The following TLCD4 variants were observed in gnomAD, a reference collection of about 807,000 sequenced individuals.
The protein encoded by TLCD4 is TLC domain containing 4, also known as TLC domain-containing protein 4.
Under a neutral mutation model 24.2 loss-of-function variants are expected in TLCD4, and 7 were observed. That is an observed-to-expected ratio of 0.29 (90% CI 0.16 to 0.54). TLCD4 has a LOEUF of 0.54. Among genes scored for constraint, TLCD4 ranks in the 20% least tolerant of loss-of-function variants. The pLI is 0.95. For synonymous variants in TLCD4, 103 were observed against 106.4 expected (o/e 0.97, Z 0.20); for missense variants, 259 against 313.9 (o/e 0.82, Z 1.32).
chr1:95,136,411 A>G (rs2100924512), intron 1 of TLCD4, among the ~76,000 whole-genome samples: 1 of 152,294 alleles, frequency 6.6e-6, no homozygotes, highest in African/African-American at 2.4e-5. Flanking sequence ...TGGATTCATT[A>G]TTTCAGCTAA....
chr1:95,152,859 A>T (rs750220308), intron 5 of TLCD4, among the ~76,000 whole-genome samples: 3 of 152,028 alleles, frequency 2.0e-5, no homozygotes, highest in African/African-American at 2.4e-5. Flanking sequence ...TTTAATCCTC[A>T]ATTTTTAAGG....
intron 6 of TLCD4, 99 bp from the exon 7 acceptor site, chr1:95,191,451 T>A: frequency 7.0e-7 from 1 of 1,431,960 alleles, no homozygotes; most frequent in Admixed American, 2.5e-5. Flanking sequence ...GGCCCTTTGC[T>A]CCTCCTTCAC....
chr1:95,182,830 C>A (rs1376623320), intron 6 of TLCD4, among the ~76,000 whole-genome samples: 1 of 148,212 alleles, frequency 6.7e-6, no homozygotes, highest in African/African-American at 2.5e-5. Flanking sequence ...TGTTTTAGGA[C>A]TTTTTTTTTT....
chr1:95,170,857 C>T (rs1486210009), intron 5 of TLCD4, among the ~76,000 whole-genome samples: 1 of 152,028 alleles, frequency 6.6e-6, no homozygotes, highest in African/African-American at 2.4e-5. Context: ...TTAACTTCTT[C>T]TTAAATATTC....
chr1:95,094,302 A>AT, the TLCD4 span, among the ~76,000 whole-genome samples: 1,867 of 145,012 alleles, frequency 0.013, 32 homozygotes, highest in African/African-American at 0.042. Flanking sequence ...GGCTAATTGC[A>AT]TTTTTTTTTT....
Position 95,194,144 on chromosome 1 carries a change from G to A in TLCD4, c.*2276G>A, listed in dbSNP as rs935716662. On this transcript the variant is annotated 3_prime_UTR_variant, in exon 7 of 7. Coordinates refer to ENST00000370203, the MANE Select transcript of TLCD4 (RefSeq NM_152487.3). ...ATTAATGTTACCCTTCACTGGTATA[G>A]CCACTCACTAAATAAGTATATTTAA... The A allele has an allele frequency of 2.2e-4, 34 of 152,054 alleles. No homozygotes were observed. Among genetic ancestry groups the A allele is most frequent in the African/African-American group, 7.2e-4 (30 of 41,424 alleles). The allele number at this position is 152,054 out of a possible 1,614,324, so 9.4% of individuals were successfully genotyped here.
intron 6 of TLCD4, among the ~76,000 whole-genome samples, chr1:95,175,576 G>C (rs555317473): frequency 1.3e-5 from 2 of 152,126 alleles, no homozygotes; most frequent in Non-Finnish European, 2.9e-5. Flanking sequence ...TGGATCATAT[G>C]ATGGTCCTTT....
At chr1:95,163,416 T>A (rs1677898162) in intron 5 of TLCD4, 1 of 126,942 alleles carries the variant, frequency 7.9e-6, no homozygotes, top group South Asian at 2.9e-4. Flanking sequence ...TTTTTGCATG[T>A]TTTTAGCTTT....
intron 1 of TLCD4, among the ~76,000 whole-genome samples, chr1:95,141,532 A>T (rs71654413): frequency 0.066 from 10,080 of 152,080 alleles, 404 homozygotes; most frequent in Non-Finnish European, 0.089. Context: ...TTTTGTGTCC[A>T]TCTGGCCTCC....
intron 1 of TLCD4, among the ~76,000 whole-genome samples, chr1:95,141,021 G>A (rs887303590): frequency 2.0e-5 from 3 of 152,202 alleles, no homozygotes; most frequent in African/African-American, 4.8e-5. Flanking sequence ...AAAGCTGAGA[G>A]TAGAACAATT....
chr1:95,167,713 C>T (rs530844753), intron 5 of TLCD4, among the ~76,000 whole-genome samples: 12 of 152,242 alleles, frequency 7.9e-5, no homozygotes, highest in South Asian at 4.1e-4. Flanking sequence ...CTCCCAGGAT[C>T]GATTGTATCT....
chr1:95,126,721 A>G (rs1676745617), intron 1 of TLCD4, among the ~76,000 whole-genome samples: 1 of 152,134 alleles, frequency 6.6e-6, no homozygotes, highest in Non-Finnish European at 1.5e-5. Flanking sequence ...CAGTTTTCTC[A>G]TTGTGGCCTC....
At chr1:95,179,893 C>G (rs1362453862) in intron 6 of TLCD4, among the ~76,000 whole-genome samples, 1 of 152,236 alleles carries the variant, frequency 6.6e-6, no homozygotes, top group South Asian at 2.1e-4. Context: ...ATTTCCATCA[C>G]TAAAACCCAT....
At chr1:95,137,536 G>A (rs10047238) in intron 1 of TLCD4, among the ~76,000 whole-genome samples, 2,661 of 152,132 alleles carry the variant, frequency 0.017, 86 homozygotes, top group African/African-American at 0.061. Flanking sequence ...AATCACAAAT[G>A]GGGGAAATGA....
chr1:95,138,388 C>T (rs919166132), intron 1 of TLCD4: 1 of 152,140 alleles, frequency 6.6e-6, no homozygotes, highest in African/African-American at 2.4e-5. Context: ...TGGGAGTCCT[C>T]CTGCTGGAAG....
chr1:95,146,370 ATAC>A (rs777393729), intron 2 of TLCD4, among the ~76,000 whole-genome samples: 6 of 152,168 alleles, frequency 3.9e-5, no homozygotes, highest in Admixed American at 2.6e-4. Context: ...TTGTGTTGAA[ATAC>A]TACTAATTTT....
the TLCD4 span, among the ~76,000 whole-genome samples, chr1:95,105,105 T>A: frequency 5.3e-5 from 8 of 152,164 alleles, no homozygotes; most frequent in African/African-American, 1.9e-4. Flanking sequence ...TAAAATAGGC[T>A]TTGTGTTAGA....
intron 1 of TLCD4, among the ~76,000 whole-genome samples, chr1:95,132,456 CAAAAAAAAA>C (rs34887671): frequency 2.8e-5 from 2 of 72,480 alleles, no homozygotes; most frequent in African/African-American, 4.9e-5. Context: ...GACTCCAACT[CAAAAAAAAA>C]AAAAAAAAAA....
At chr1:95,165,119 AG>A (rs1277126446) in intron 5 of TLCD4, 2 of 152,268 alleles carry the variant, frequency 1.3e-5, no homozygotes, top group African/African-American at 4.8e-5. Flanking sequence ...CTTGGGCTGA[AG>A]TCACTGTTTC....
Sources: gnomAD v4.1 joint callset for allele counts (sites outside exome capture counted in the v4.1 genomes callset) on GRCh38, gnomAD v4.1.1 for gene constraint, MANE v1.5 for transcripts, NCBI Gene and HGNC (gene_info 2026-07-23, HGNC 2026-07-21) for gene names.